GNB1: variants seen among roughly 807,000 people sequenced by gnomAD.
GNB1 encodes the protein guanine nucleotide-binding protein G(I)/G(S)/G(T) subunit beta-1.
In GNB1, 2 loss-of-function variants were observed where a neutral mutation model predicts 42.9. The ratio of observed to expected loss-of-function variants is 0.05; its 90% confidence interval spans 0.02 to 0.15. GNB1 has a LOEUF of 0.15. GNB1 is among the 10% of genes least tolerant of loss of function. The pLI is 1.00. For synonymous variants in GNB1, 183 were observed against 174.7 expected, an observed-to-expected ratio of 1.05 and a Z score of -0.38; for missense variants, 193 against 462.2, an observed-to-expected ratio of 0.42 and a Z score of 5.34.
intron 5 of GNB1, among the ~76,000 whole-genome samples, chr1:1,811,310 A>C (rs918783421): frequency 6.6e-6 from 1 of 151,706 alleles, no homozygotes; most frequent in Non-Finnish European, 1.5e-5. Context: ...CTGGTCTCGA[A>C]CTCCTGAAGT....
At chr1:1,837,326 C>T (rs1263899316) in intron 2 of GNB1, among the ~76,000 whole-genome samples, 2 of 149,586 alleles carry the variant, frequency 1.3e-5, no homozygotes, top group South Asian at 2.1e-4. Context: ...GTGATCTTGG[C>T]TCACTGCAAG....
At chr1:1,887,581 T>C (rs1650225800) in intron 1 of GNB1, among the ~76,000 whole-genome samples, 1 of 152,262 alleles carries the variant, frequency 6.6e-6, no homozygotes, top group Non-Finnish European at 1.5e-5. Flanking sequence ...TCTACCTAGA[T>C]GATACTAGCT....
chr1:1,854,739 T>C (rs1393273473), intron 1 of GNB1, among the ~76,000 whole-genome samples: 1 of 152,196 alleles, frequency 6.6e-6, no homozygotes, highest in Non-Finnish European at 1.5e-5. Context: ...AGACGTCATG[T>C]CTTTAAAAAA....
At chr1:1,855,036 G>A (rs796265552) in intron 1 of GNB1, among the ~76,000 whole-genome samples, 1 of 152,146 alleles carries the variant, frequency 6.6e-6, no homozygotes, top group Non-Finnish European at 1.5e-5. Flanking sequence ...GCAGTCACCT[G>A]TAATCCCAGC....
At chr1:1,804,628 CA>C in intron 6 of GNB1, 47 bp from the exon 7 acceptor site, 1 of 1,402,930 alleles carries the variant, frequency 7.1e-7, no homozygotes, top group Non-Finnish European at 9.7e-7. Context: ...TGTTCAAAAA[CA>C]ACACTGACAC....
At chr1:1,842,716 C>CGGT (rs900380514) in intron 1 of GNB1, among the ~76,000 whole-genome samples, 16 of 152,238 alleles carry the variant, frequency 1.1e-4, no homozygotes, top group African/African-American at 3.9e-4. Context: ...TAGCTAGAGA[C>CGGT]GGTGGTTGCA....
intron 2 of GNB1, among the ~76,000 whole-genome samples, chr1:1,838,395 T>TTTTTG (rs775862854): frequency 3.3e-5 from 5 of 151,884 alleles, no homozygotes; most frequent in East Asian, 1.9e-4. Flanking sequence ...AACAAAAAGG[T>TTTTTG]TTTTGTTTTG....
intron 1 of GNB1, among the ~76,000 whole-genome samples, chr1:1,859,944 TAATGTA>T (rs1275543043): frequency 4.6e-5 from 7 of 152,094 alleles, no homozygotes; most frequent in Non-Finnish European, 7.4e-5. Flanking sequence ...GAGATATACT[TAATGTA>T]AATGTAAATG....
chr1:1,799,976 C>T (rs998130580), intron 7 of GNB1, among the ~76,000 whole-genome samples: 18 of 152,202 alleles, frequency 1.2e-4, no homozygotes, highest in Admixed American at 5.9e-4. Context: ...GCCCAGCCAG[C>T]GCAGAAAAGC....
intron 3 of GNB1, among the ~76,000 whole-genome samples, chr1:1,822,691 C>A (rs1475126496): frequency 1.3e-5 from 2 of 152,102 alleles, no homozygotes; most frequent in African/African-American, 4.8e-5. Flanking sequence ...CAAGAGGGAG[C>A]CCCCTGTGCA....
intron 10 of GNB1, chr1:1,788,845 G>C (rs553018034): frequency 7.4e-6 from 4 of 537,400 alleles, no homozygotes; most frequent in Middle Eastern, 5.1e-4. Context: ...CCTCCCCGAC[G>C]CATGTGGGAA....
intron 1 of GNB1, among the ~76,000 whole-genome samples, chr1:1,857,399 T>C (rs191787103): frequency 6.6e-6 from 1 of 152,152 alleles, no homozygotes; most frequent in East Asian, 1.9e-4. Flanking sequence ...TTGTACAGGG[T>C]TCAACGCAGC....
chr1:1,866,305 C>T (rs1648937271), intron 1 of GNB1, among the ~76,000 whole-genome samples: 1 of 152,222 alleles, frequency 6.6e-6, no homozygotes, highest in Non-Finnish European at 1.5e-5. Context: ...CCACGTTTCA[C>T]AGGGATGTCT....
At chr1:1,869,317 T>TA (rs1458899226) in intron 1 of GNB1, among the ~76,000 whole-genome samples, 1 of 152,036 alleles carries the variant, frequency 6.6e-6, no homozygotes, top group East Asian at 1.9e-4. Flanking sequence ...CTCAGACACT[T>TA]ACTACTGACT....
intron 1 of GNB1, among the ~76,000 whole-genome samples, chr1:1,840,510 A>G (rs1647215411): frequency 6.6e-6 from 1 of 152,260 alleles, no homozygotes; most frequent in Non-Finnish European, 1.5e-5. Flanking sequence ...CCTGGGTGAC[A>G]GTGCGAGACT....
chr1:1,829,629 A>G (rs1460743830), intron 2 of GNB1, among the ~76,000 whole-genome samples: 3 of 152,354 alleles, frequency 2.0e-5, no homozygotes, highest in Admixed American at 2.0e-4. Context: ...AGTGGCTCTT[A>G]GTTCATCTTT....
At chr1:1,836,879 A>C (rs1199217819) in intron 2 of GNB1, among the ~76,000 whole-genome samples, 1 of 139,852 alleles carries the variant, frequency 7.2e-6, no homozygotes, top group Non-Finnish European at 1.5e-5. Flanking sequence ...TTTTTTTTGA[A>C]GAGACAGGGG....
At chr1:1,875,983 G>C (rs1413930489) in intron 1 of GNB1, among the ~76,000 whole-genome samples, 1 of 152,148 alleles carries the variant, frequency 6.6e-6, no homozygotes, top group Non-Finnish European at 1.5e-5. Flanking sequence ...TATAAGGTGA[G>C]TAGAGACACT....
intron 5 of GNB1, among the ~76,000 whole-genome samples, chr1:1,809,006 G>C (rs1431344405): frequency 6.6e-6 from 1 of 152,216 alleles, no homozygotes; most frequent in East Asian, 1.9e-4. Context: ...CCTAAAGCTG[G>C]AGTAACGCTC....
Sources: gnomAD v4.1 joint callset for allele counts (sites outside exome capture counted in the v4.1 genomes callset) on GRCh38, gnomAD v4.1.1 for gene constraint, MANE v1.5 for transcripts, NCBI Gene and HGNC (gene_info 2026-07-23, HGNC 2026-07-21) for gene names.